SPATA13: variants seen among roughly 807,000 people sequenced by gnomAD.
SPATA13 encodes the protein spermatogenesis associated 13.
In SPATA13, 50 loss-of-function variants were observed where a neutral mutation model predicts 104.0. That is an observed-to-expected ratio of 0.48 (90% CI 0.38 to 0.61). The LOEUF (loss-of-function observed/expected upper bound fraction) is 0.61, where lower values mean the gene tolerates loss of function less well. SPATA13 is among the 20% of genes least tolerant of loss of function. The probability of loss-of-function intolerance (pLI) is 0.00; values close to 1 mark genes in which losing one functional copy is unlikely to be tolerated. For missense variants in SPATA13, 1,524 were observed against 1,690.6 expected (o/e 0.90, Z 1.73); for synonymous variants, 606 against 667.5 (o/e 0.91, Z 1.42).
intron 3 of SPATA13, among the ~76,000 whole-genome samples, chr13:24,036,327 G>T (rs757932505): frequency 2.0e-5 from 3 of 152,184 alleles, no homozygotes; most frequent in Non-Finnish European, 4.4e-5. Context: ...CTTACATTTA[G>T]GCTGAATTTG....
chr13:24,191,603 G>A (rs1450332153), intron 1 of SPATA13, among the ~76,000 whole-genome samples: 2 of 145,176 alleles, frequency 1.4e-5, no homozygotes, highest in Admixed American at 7.3e-5. Context: ...TCTGCCACCT[G>A]GGTTCACGCC....
chr13:24,073,258 G>T (rs1229990845), intron 3 of SPATA13, among the ~76,000 whole-genome samples: 4 of 152,090 alleles, frequency 2.6e-5, no homozygotes, highest in Non-Finnish European at 4.4e-5. Flanking sequence ...AAATTTCTAG[G>T]TTTGTGAATC....
intron 4 of SPATA13, among the ~76,000 whole-genome samples, chr13:24,274,393 A>G (rs1007698568): frequency 6.6e-6 from 1 of 152,212 alleles, no homozygotes; most frequent in African/African-American, 2.4e-5. Flanking sequence ...GGCCCAGGGC[A>G]GGGGAGGATC....
chr13:24,224,166 G>A lies in SPATA13; in HGVS notation c.1237G>A (p.Glu413Lys). 2 of 1,551,752 alleles carry A rather than the reference G, an allele frequency of 1.3e-6. No homozygotes were observed. Among genetic ancestry groups the A allele is most frequent in the Non-Finnish European group, 1.7e-6 (2 of 1,147,004 alleles). Reference sequence around the variant, plus strand: ...CGCTGACACTGCCGTATTTCCTCTTGAAACCAAAAGTTCCTGGGCGGTGGA... The same window carrying A: ...CGCTGACACTGCCGTATTTCCTCTTAAAACCAAAAGTTCCTGGGCGGTGGA... ...LDADTAVFPLETKSSWAVESD... is the reference protein window; with the variant it reads ...LDADTAVFPLKTKSSWAVESD... The change falls in exon 2 of 13, where the codon GAA becomes AAA. Residue 413 changes from glutamate (E) to lysine (K), a missense_variant. By Grantham distance (56) the Glu-to-Lys change is moderately conservative. Coordinates refer to ENST00000382108, the MANE Select transcript of SPATA13 (RefSeq NM_001166271.3).
intron 3 of SPATA13, among the ~76,000 whole-genome samples, chr13:24,128,178 G>A (rs1339418625): frequency 2.0e-5 from 3 of 152,182 alleles, no homozygotes; most frequent in Non-Finnish European, 2.9e-5. Context: ...CAGCAGTAGA[G>A]TGGACTGTCC....
chr13:24,208,942 G>A (rs972704448), intron 1 of SPATA13, among the ~76,000 whole-genome samples: 1 of 152,200 alleles, frequency 6.6e-6, no homozygotes, highest in Admixed American at 6.5e-5. Context: ...TACCAAAACT[G>A]GGTGGAAAAC....
At chr13:24,194,042 C>T (rs1473637306) in intron 1 of SPATA13, among the ~76,000 whole-genome samples, 1 of 152,168 alleles carries the variant, frequency 6.6e-6, no homozygotes, top group Non-Finnish European at 1.5e-5. Flanking sequence ...GCCCATCTTC[C>T]CAACTTTGCA....
chr13:24,054,746 A>G (rs1275367793), intron 3 of SPATA13, among the ~76,000 whole-genome samples: 1 of 152,222 alleles, frequency 6.6e-6, no homozygotes, highest in Non-Finnish European at 1.5e-5. Flanking sequence ...CACAGGAGAA[A>G]AGGTTAAGGA....
chr13:24,173,428 G>A (rs989437542), intron 1 of SPATA13, among the ~76,000 whole-genome samples: 9 of 151,168 alleles, frequency 6.0e-5, no homozygotes, highest in South Asian at 2.1e-4. Context: ...TTTTCTATGT[G>A]GGCAATCATG....
intron 10 of SPATA13, 77 bp downstream of exon 10, chr13:24,294,945 A>G: frequency 3.4e-6 from 5 of 1,461,088 alleles, no homozygotes; most frequent in Non-Finnish European, 4.7e-6. Context: ...ATGCACTTTA[A>G]TATCCTGTGG....
intron 2 of SPATA13, chr13:24,017,578 A>G (rs1876776534): frequency 5.0e-6 from 3 of 604,276 alleles, no homozygotes; most frequent in South Asian, 1.5e-4. Context: ...TTTAGATCAG[A>G]TAGACCCTGT....
chr13:24,207,335 G>C (rs907377306), intron 1 of SPATA13, among the ~76,000 whole-genome samples: 1 of 152,160 alleles, frequency 6.6e-6, no homozygotes, highest in South Asian at 2.1e-4. Context: ...GTTTACCTAG[G>C]TAACAAATCT....
intron 2 of SPATA13, among the ~76,000 whole-genome samples, chr13:23,999,691 A>G (rs2765174): frequency 0.76 from 116,109 of 151,834 alleles, 44,547 homozygotes; most frequent in African/African-American, 0.8. Context: ...TGCCTCTCAG[A>G]GATTACTCTC....
intron 3 of SPATA13, among the ~76,000 whole-genome samples, chr13:24,077,482 G>A (rs1879372446): frequency 6.6e-6 from 1 of 152,112 alleles, no homozygotes; most frequent in Admixed American, 6.5e-5. Context: ...AATGGGGGAA[G>A]AAGGGAGTGG....
chr13:23,986,613 T>C (rs1469648553), intron 2 of SPATA13, among the ~76,000 whole-genome samples: 4 of 152,156 alleles, frequency 2.6e-5, no homozygotes, highest in Non-Finnish European at 5.9e-5. Flanking sequence ...ACACACAAGG[T>C]TGGGAAAGTC....
At chr13:24,009,678 T>C (rs1440819250) in intron 2 of SPATA13, among the ~76,000 whole-genome samples, 1 of 152,194 alleles carries the variant, frequency 6.6e-6, no homozygotes, top group African/African-American at 2.4e-5. Context: ...TGGGTTAGGA[T>C]GATAAGGGGT....
At position 24,224,143 on chromosome 13, in the gene SPATA13, C is replaced by A; in HGVS notation, c.1214C>A (p.Ala405Asp). 2.6e-6 allele frequency: 4 copies of A among 1,551,788 alleles called. No homozygotes were observed. Among genetic ancestry groups the A allele is most frequent in the Non-Finnish European group, 3.5e-6 (4 of 1,147,008 alleles). ...SATSKGPHLD[A>D]DTAVFPLETK... Reference sequence around the variant, plus strand: ...ACCTCTAAGGGGCCCCACCTAGACGCTGACACTGCCGTATTTCCTCTTGAA... The same window carrying A: ...ACCTCTAAGGGGCCCCACCTAGACGATGACACTGCCGTATTTCCTCTTGAA... The change falls in exon 2 of 13, where the codon GCT (alanine) becomes GAT (aspartate). Residue 405 changes from alanine to aspartate, a missense_variant. Around this residue, in one of 2 missense-constraint regions of SPATA13, gnomAD observed 1,089 missense variants for 1,135.9 expected, o/e 0.96. Transcript: ENST00000382108.
intron 3 of SPATA13, among the ~76,000 whole-genome samples, chr13:24,040,751 A>C (rs1226155944): frequency 1.3e-5 from 2 of 152,210 alleles, no homozygotes; most frequent in African/African-American, 4.8e-5. Flanking sequence ...AGGCACCCCA[A>C]CTTTAGATTT....
intron 3 of SPATA13, among the ~76,000 whole-genome samples, chr13:24,147,882 T>C (rs1451921114): frequency 6.6e-6 from 1 of 152,234 alleles, no homozygotes; most frequent in Admixed American, 6.5e-5. Context: ...TCATTTCATT[T>C]AGCGTAAGGT....
Sources: gnomAD v4.1 joint callset for allele counts (sites outside exome capture counted in the v4.1 genomes callset) on GRCh38, gnomAD v4.1.1 for gene constraint, gnomAD v4.1.1 regional missense constraint, MANE v1.5 for transcripts, NCBI Gene and HGNC (gene_info 2026-07-23, HGNC 2026-07-21) for gene names.